WDR89: variants seen among roughly 807,000 people sequenced by gnomAD.
The protein encoded by WDR89 is WD repeat-containing protein 89.
WDR89 carries 17 observed loss-of-function variants against 29.1 expected under a neutral mutation model. The observed-to-expected ratio is 0.58, with a 90% confidence interval of 0.40 to 0.88. The LOEUF is 0.88. Among genes scored for constraint, WDR89 ranks in the 40% least tolerant of loss-of-function variants. The pLI is 0.00. For synonymous variants in WDR89, 138 were observed against 157.8 expected, an observed-to-expected ratio of 0.87 and a Z score of 0.94; for missense variants, 396 against 456.3, an observed-to-expected ratio of 0.87 and a Z score of 1.20.
intron 2 of WDR89, among the ~76,000 whole-genome samples, chr14:63,614,129 T>C (rs1595025128): frequency 6.6e-6 from 1 of 152,188 alleles, no homozygotes; most frequent in East Asian, 1.9e-4. Flanking sequence ...TATAAGCATG[T>C]AGCATATTAA....
chr14:63,635,592 ACTC>A (rs1185965050), intron 1 of WDR89, among the ~76,000 whole-genome samples: 2 of 152,018 alleles, frequency 1.3e-5, no homozygotes, highest in African/African-American at 4.8e-5. Context: ...CACTCTCACC[ACTC>A]CTCCTCAATG....
At chr14:63,613,433 AC>A (rs1882113795) in intron 2 of WDR89, among the ~76,000 whole-genome samples, 2 of 151,938 alleles carry the variant, frequency 1.3e-5, no homozygotes, top group African/African-American at 4.8e-5. Flanking sequence ...GTATTAAAAT[AC>A]CTAAATTTTA....
In WDR89 at chr14:63,599,527, T is replaced by C. The variant is rs748151073; in HGVS notation, c.416A>G (p.Asp139Gly). The change falls in exon 3 of 3, where the codon GAT becomes GGT. Residue 139 changes from aspartate to glycine, a missense_variant. Coordinates refer to ENST00000620954, the MANE Select transcript of WDR89 (RefSeq NM_080666.4). ...IICAGTEKVD[D>G]DALLVFWDAR... ...ATCCCAAAACACCAACAATGCATCATCATCAACTTTTTCTGTACCAGCACA... is the reference window on the plus strand; with the variant it reads ...ATCCCAAAACACCAACAATGCATCACCATCAACTTTTTCTGTACCAGCACA... The C allele has an allele frequency of 1.2e-6, 2 of 1,614,168 alleles. No homozygotes were observed. The highest frequency in any genetic ancestry group is 1.7e-6 in the Non-Finnish European group (2 of 1,180,020).
chr14:63,617,891 A>G (rs113446405), intron 2 of WDR89, among the ~76,000 whole-genome samples: 1,833 of 152,286 alleles, frequency 0.012, 53 homozygotes, highest in African/African-American at 0.042. Flanking sequence ...ACAGGATTTC[A>G]TTTATACAAA....
At position 63,628,718 on chromosome 14, in the gene WDR89, CT is replaced by C. The variant is rs536159816; in HGVS notation, c.-137-3686del. ...GTGGCTCACGCCTGTGATCCCAACA[CT>C]TTGGGAGGCCAAGGCAGGACTGCCT... On this transcript the variant is annotated intron_variant, in intron 1 of 2. Coordinates refer to ENST00000620954, the MANE Select transcript of WDR89 (RefSeq NM_080666.4). Among the ~76,000 whole-genome samples the C allele has an allele frequency of 4.3e-3, 657 of 152,296 alleles. 7 individuals are homozygous for C. The highest frequency in any genetic ancestry group is 0.015 in the African/African-American group (604 of 41,564).
intron 2 of WDR89, among the ~76,000 whole-genome samples, chr14:63,623,119 G>A (rs1420424499): frequency 2.7e-5 from 4 of 150,710 alleles, no homozygotes; most frequent in Non-Finnish European, 4.4e-5. Context: ...GATAACTTGA[G>A]CGTGGGAGAC....
chr14:63,604,866 G>A (rs535030746), intron 2 of WDR89, among the ~76,000 whole-genome samples: 2 of 152,182 alleles, frequency 1.3e-5, no homozygotes, highest in Non-Finnish European at 2.9e-5. Context: ...GAGGCCAGGT[G>A]TGGTAACCCA....
chr14:63,625,357 T>C (rs1882965795), intron 1 of WDR89, among the ~76,000 whole-genome samples: 1 of 149,784 alleles, frequency 6.7e-6, no homozygotes, highest in East Asian at 1.9e-4. Context: ...TTCTGTATCT[T>C]AATCAGGGTG....
rs35582220 is a variant in WDR89 at position 63,626,676 on chromosome 14, C to CAAAAAAAAAAAAA, written c.-137-1656_-137-1644dup. 5.8e-5 allele frequency among the ~76,000 whole-genome samples: 2 copies of CAAAAAAAAAAAAA among 34,588 alleles called. 1 individual carries two copies. The highest frequency in any genetic ancestry group is 1.2e-4 in the Non-Finnish European group (2 of 16,608). 22.7% of individuals were successfully genotyped at this position (34,588 alleles called of 152,430 possible). A position where few individuals can be genotyped will look rare whatever the true frequency, so the allele number is the denominator to read the frequency against. ...CCTGGGCTACAGAGTGAGACTGTCT[C>CAAAAAAAAAAAAA]AAAAAAAAAAAAAAAAAAAAAAAAA... On this transcript the variant is annotated intron_variant, in intron 1 of 2. Coordinates refer to ENST00000620954, the MANE Select transcript of WDR89 (RefSeq NM_080666.4).
intron 1 of WDR89, among the ~76,000 whole-genome samples, chr14:63,626,676 CAAAAA>C (rs35582220): frequency 1.2e-3 from 42 of 34,554 alleles, no homozygotes; most frequent in African/African-American, 3.1e-3. Flanking sequence ...GAGACTGTCT[CAAAAA>C]AAAAAAAAAA....
At chr14:63,600,420 C>T (rs547950137) in intron 2 of WDR89, among the ~76,000 whole-genome samples, 13 of 151,990 alleles carry the variant, frequency 8.6e-5, no homozygotes, top group Middle Eastern at 6.8e-3. Flanking sequence ...TGCTTGAGAC[C>T]AGAAGTTGAG....
rs1894898139 is a variant in WDR89 at position 63,598,703 on chromosome 14, A to G, written c.*76T>C. 7.6e-7 allele frequency: 1 copy of G among 1,317,116 alleles called. No individual in the cohort carries two copies. The highest frequency in any genetic ancestry group is 1.0e-6 in the Non-Finnish European group (1 of 991,016). The allele number at this position is 1,317,116 out of a possible 1,614,324, so 81.6% of individuals were successfully genotyped here. A position where few individuals can be genotyped will look rare whatever the true frequency, so the allele number is the denominator to read the frequency against. On this transcript the variant is annotated 3_prime_UTR_variant, in exon 3 of 3. Coordinates refer to ENST00000620954, the MANE Select transcript of WDR89 (RefSeq NM_080666.4). The stretch of plus-strand genomic sequence containing the variant: ...CTTGTTTTTACATAAAGCTTTAAAC[A>G]TGTCTACCATGGGTAGTAAACAAGA...
intron 2 of WDR89, among the ~76,000 whole-genome samples, chr14:63,622,508 G>T (rs894177827): frequency 6.6e-6 from 1 of 152,194 alleles, no homozygotes; most frequent in African/African-American, 2.4e-5. Flanking sequence ...TTGAACCCAG[G>T]GGGTGGAGGT....
chr14:63,626,675 T>TAAAAA (rs1883077517), intron 1 of WDR89, among the ~76,000 whole-genome samples: 1 of 9,874 alleles, frequency 1.0e-4, no homozygotes, highest in Non-Finnish European at 2.8e-4. Context: ...TGAGACTGTC[T>TAAAAA]CAAAAAAAAA....
At chr14:63,611,217 G>C (rs994969353) in intron 2 of WDR89, among the ~76,000 whole-genome samples, 1 of 151,238 alleles carries the variant, frequency 6.6e-6, no homozygotes, top group African/African-American at 2.4e-5. Flanking sequence ...CACACTTGTA[G>C]TCCCAGCTAC....
Position 63,599,214 on chromosome 14 carries a change from C to G in WDR89, c.729G>C (p.Trp243Cys), listed in dbSNP as rs984476162. 2.5e-6 allele frequency: 4 copies of G among 1,604,786 alleles called. No individual in the cohort carries two copies. The highest frequency in any genetic ancestry group is 3.4e-6 in the Non-Finnish European group (4 of 1,174,112). The part of the protein sequence containing the change: ...YCMTHDEGFY[W>C]WDLNHLDTDE... The stretch of plus-strand genomic sequence containing the variant: ...CAGTGTCCAGATGATTAAGATCCCA[C>G]CAATAAAATCCTTCATCATGTGTCA... Residue 243 changes from tryptophan (W) to cysteine (C), a missense_variant, in exon 3 of 3, where the codon TGG (tryptophan) becomes TGC (cysteine). Transcript: ENST00000620954.
chr14:63,629,310 T>A (rs1883256474), intron 1 of WDR89, among the ~76,000 whole-genome samples: 1 of 152,228 alleles, frequency 6.6e-6, no homozygotes, highest in Non-Finnish European at 1.5e-5. Context: ...GATCTTTAAC[T>A]CCAAACTTCA....
At chr14:63,607,898 G>T (rs985450417) in intron 2 of WDR89, among the ~76,000 whole-genome samples, 2 of 139,168 alleles carry the variant, frequency 1.4e-5, no homozygotes, top group Non-Finnish European at 3.1e-5. Context: ...AAAAAAAAAA[G>T]AAAAGAAAAA....
intron 2 of WDR89, among the ~76,000 whole-genome samples, chr14:63,614,768 T>C (rs945655068): frequency 2.6e-5 from 4 of 152,230 alleles, no homozygotes; most frequent in African/African-American, 9.6e-5. Context: ...GCCATTTGTT[T>C]TAAATTCAGA....
Sources: allele counts gnomAD v4.1 joint callset (sites outside exome capture counted in the v4.1 genomes callset), GRCh38; gene constraint gnomAD v4.1.1; transcripts MANE v1.5; gene names NCBI Gene and HGNC (gene_info 2026-07-23, HGNC 2026-07-21).